The following EVI5 variants were observed in gnomAD, a reference collection of about 807,000 sequenced individuals.
EVI5 encodes the protein ecotropic viral integration site 5, also known as ecotropic viral integration site 5 protein homolog.
A neutral mutation model predicts 112.0 loss-of-function variants in EVI5; 73 were observed. The observed-to-expected ratio is 0.65, with a 90% CI of 0.54 to 0.79. EVI5 has a LOEUF of 0.79. Among genes scored for constraint, EVI5 ranks in the 30% least tolerant of loss-of-function variants. The probability of loss-of-function intolerance (pLI) is 0.00; values close to 1 mark genes in which losing one functional copy is unlikely to be tolerated. For missense variants in EVI5, 900 were observed against 968.8 expected, an observed-to-expected ratio of 0.93 and a Z score of 0.94; for synonymous variants, 305 against 319.9, an observed-to-expected ratio of 0.95 and a Z score of 0.50.
At chr1:92,745,933 C>T (rs1053901542) in intron 1 of EVI5, among the ~76,000 whole-genome samples, 2 of 152,174 alleles carry the variant, frequency 1.3e-5, no homozygotes, top group African/African-American at 4.8e-5. Context: ...CTAAACTTGG[C>T]CTAAGGATGC....
chr1:92,622,211 C>T, intron 16 of EVI5: 1 of 316,436 alleles, frequency 3.2e-6, no homozygotes, highest in South Asian at 2.6e-5. Flanking sequence ...TCTATGTGAT[C>T]TACAGCACAA....
intron 2 of EVI5, among the ~76,000 whole-genome samples, chr1:92,719,029 G>A (rs1674285853): frequency 1.3e-5 from 2 of 152,172 alleles, no homozygotes; most frequent in African/African-American, 2.4e-5. Context: ...CCAATAACAG[G>A]CTCTGAAATT....
intron 1 of EVI5, chr1:92,756,575 A>C: frequency 2.0e-6 from 1 of 510,110 alleles, no homozygotes; most frequent in Non-Finnish European, 4.0e-6. Flanking sequence ...GATGTGAAAG[A>C]AGCAAAGAGA....
At chr1:92,519,870 T>G in intron 19 of EVI5, among the ~76,000 whole-genome samples, 1 of 143,776 alleles carries the variant, frequency 7.0e-6, no homozygotes, top group Admixed American at 7.3e-5. Context: ...CACTCCAGCC[T>G]GGGCAACAGA....
At chr1:92,724,911 C>A (rs893834016) in intron 2 of EVI5, among the ~76,000 whole-genome samples, 1 of 152,142 alleles carries the variant, frequency 6.6e-6, no homozygotes, top group Non-Finnish European at 1.5e-5. Flanking sequence ...TCTGTGACTG[C>A]CATTTTAACC....
chr1:92,604,853 G>A (rs1478356213), intron 18 of EVI5, among the ~76,000 whole-genome samples: 1 of 152,024 alleles, frequency 6.6e-6, no homozygotes, highest in Non-Finnish European at 1.5e-5. Context: ...TCATCCTATG[G>A]GACCATTACC....
At position 92,697,879 on chromosome 1, in the gene EVI5, T is replaced by C. The variant is rs781444194; in HGVS notation, c.746A>G (p.Gln249Arg). 21 of 1,612,684 alleles carry C rather than the reference T, an allele frequency of 1.3e-5. No homozygotes were observed. The East Asian group carries it at 4.5e-4, about 34-fold the overall frequency. ...SMAELGLCMY[Q>R]FECMIQEHLP... Reference sequence around the variant, plus strand: ...TTTTACCTGTATCATACATTCAAACTGGTACATACAAAGGCCCAATTCTGC... The same window carrying C: ...TTTTACCTGTATCATACATTCAAACCGGTACATACAAAGGCCCAATTCTGC... Residue 249 changes from glutamine (Q) to arginine (R), a missense_variant, in exon 6 of 20, where the codon CAG (glutamine) becomes CGG (arginine). Physicochemically the swap from Gln to Arg is conservative, Grantham distance 43. Transcript: ENST00000684568.
At chr1:92,530,700 G>C (rs911364749) in intron 19 of EVI5, among the ~76,000 whole-genome samples, 16 of 151,884 alleles carry the variant, frequency 1.1e-4, no homozygotes, top group African/African-American at 3.4e-4. Flanking sequence ...AGAGAGGCCT[G>C]TCAGAAGGAA....
chr1:92,550,676 G>C (rs1320490364), intron 19 of EVI5, among the ~76,000 whole-genome samples: 1 of 134,990 alleles, frequency 7.4e-6, no homozygotes, highest in Non-Finnish European at 1.6e-5. Context: ...GAACCTGGGA[G>C]GCAGAGCTTG....
At chr1:92,584,514 T>C (rs1388658808) in intron 18 of EVI5, among the ~76,000 whole-genome samples, 1 of 152,216 alleles carries the variant, frequency 6.6e-6, no homozygotes, top group East Asian at 1.9e-4. Context: ...CTTACTGAAA[T>C]ATCAATAGCA....
At chr1:92,662,452 T>C (rs1284518081) in intron 13 of EVI5, among the ~76,000 whole-genome samples, 1 of 152,194 alleles carries the variant, frequency 6.6e-6, no homozygotes, top group Non-Finnish European at 1.5e-5. Flanking sequence ...CACTGCTTAT[T>C]TCCCATTACT....
intron 16 of EVI5, among the ~76,000 whole-genome samples, chr1:92,617,764 T>C (rs2095265): frequency 0.93 from 141,173 of 152,246 alleles, 65,558 homozygotes; most frequent in East Asian, 0.97. Flanking sequence ...TATTGGACCT[T>C]TTCCATCATG....
At chr1:92,718,012 G>A (rs1674066621) in intron 2 of EVI5, among the ~76,000 whole-genome samples, 1 of 152,104 alleles carries the variant, frequency 6.6e-6, no homozygotes, top group Non-Finnish European at 1.5e-5. Flanking sequence ...AAATATATAT[G>A]CACCCAATAC....
At chr1:92,608,960 T>C (rs992840346) in intron 16 of EVI5, among the ~76,000 whole-genome samples, 8 of 152,206 alleles carry the variant, frequency 5.3e-5, no homozygotes, top group Admixed American at 2.0e-4. Context: ...TTTGGTGTCT[T>C]CAGAATTAAA....
intron 1 of EVI5, among the ~76,000 whole-genome samples, chr1:92,771,430 C>T (rs762046272): frequency 9.2e-5 from 14 of 151,928 alleles, no homozygotes; most frequent in Non-Finnish European, 1.8e-4. Context: ...AGTGTTCACT[C>T]TATTGTCATA....
At chr1:92,618,001 G>A (rs767128425) in intron 16 of EVI5, among the ~76,000 whole-genome samples, 15 of 152,154 alleles carry the variant, frequency 9.9e-5, no homozygotes, top group Non-Finnish European at 1.5e-4. Context: ...GTCTTACCAT[G>A]TTCCCCATCA....
chr1:92,663,591 T>G (rs1664391545), intron 11 of EVI5, 139 bp from the exon 12 acceptor site: 2 of 405,932 alleles, frequency 4.9e-6, no homozygotes, highest in Non-Finnish European at 8.7e-6. Flanking sequence ...TTAAAACCAT[T>G]TTTTACTGAA....
At chr1:92,628,170 T>C (rs1386139010) in intron 14 of EVI5, among the ~76,000 whole-genome samples, 2 of 152,210 alleles carry the variant, frequency 1.3e-5, no homozygotes, top group Non-Finnish European at 2.9e-5. Context: ...AGCCCACTTT[T>C]TGATGAGATT....
upstream of EVI5, among the ~76,000 whole-genome samples, chr1:92,789,169 CAAT>C (rs1321873250): frequency 6.6e-6 from 1 of 152,100 alleles, no homozygotes; most frequent in Non-Finnish European, 1.5e-5. Flanking sequence ...GAGAGCTTCA[CAAT>C]GATTGAAATC....
Sources: gnomAD v4.1 joint callset for allele counts (sites outside exome capture counted in the v4.1 genomes callset) on GRCh38, gnomAD v4.1.1 for gene constraint, MANE v1.5 for transcripts, NCBI Gene and HGNC (gene_info 2026-07-23, HGNC 2026-07-21) for gene names.